The following HAT1 variants were observed in gnomAD, a reference collection of about 807,000 sequenced individuals.
The protein encoded by HAT1 is histone acetyltransferase 1.
In HAT1, 20 loss-of-function variants were observed where a neutral mutation model predicts 56.6. The observed-to-expected ratio is 0.35, with a 90% CI of 0.25 to 0.51. HAT1 has a LOEUF of 0.51. HAT1 is among the 20% of genes least tolerant of loss of function. The pLI is 0.95. For synonymous variants in HAT1, 146 were observed against 165.5 expected, an observed-to-expected ratio of 0.88 and a Z score of 0.91; for missense variants, 408 against 504.3, an observed-to-expected ratio of 0.81 and a Z score of 1.83.
intron 4 of HAT1, among the ~76,000 whole-genome samples, chr2:171,953,967 C>T (rs1687377283): frequency 6.6e-6 from 1 of 152,076 alleles, no homozygotes; most frequent in Non-Finnish European, 1.5e-5. Flanking sequence ...TGCACTGCAG[C>T]CTGGGTGACA....
At chr2:171,973,720 C>T (rs77622773) in intron 8 of HAT1, among the ~76,000 whole-genome samples, 9 of 152,128 alleles carry the variant, frequency 5.9e-5, no homozygotes, top group East Asian at 1.9e-4. Flanking sequence ...ATCTAACTAA[C>T]GCCTGATGAC....
At chr2:171,932,195 A>G (rs1686765950) in intron 2 of HAT1, among the ~76,000 whole-genome samples, 1 of 152,102 alleles carries the variant, frequency 6.6e-6, no homozygotes, top group African/African-American at 2.4e-5. Flanking sequence ...TTGACTTGGC[A>G]ATGTTTTGTT....
intron 2 of HAT1, among the ~76,000 whole-genome samples, chr2:171,929,814 C>T (rs776415147): frequency 6.6e-6 from 1 of 152,156 alleles, no homozygotes; most frequent in Non-Finnish European, 1.5e-5. Flanking sequence ...CTGTCAATAT[C>T]GTACTGTCTG....
intron 8 of HAT1, among the ~76,000 whole-genome samples, chr2:171,968,628 T>A (rs1314635744): frequency 6.6e-6 from 1 of 152,218 alleles, no homozygotes; most frequent in Non-Finnish European, 1.5e-5. Flanking sequence ...AAAGGACTTC[T>A]GAATTTGACA....
At position 171,972,253 on chromosome 2, in the gene HAT1, T is replaced by G. The variant is rs149324526; in HGVS notation, c.824-3904T>G. The stretch of plus-strand genomic sequence containing the variant: ...TTTGTTTGTTTTTGTTGTTTTTTTT[T>G]TTGTTTTTTGGTGAGGTAGGGGTAG... On this transcript the variant is annotated intron_variant, in intron 8 of 10. Transcript: ENST00000264108. Among the ~76,000 whole-genome samples the G allele has an allele frequency of 7.5e-4, 114 of 151,740 alleles. 1 individual carries two copies. In the East Asian group the frequency reaches 0.019, roughly 26 times the overall value.
chr2:171,953,034 C>A, intron 4 of HAT1, 33 bp downstream of exon 4: 1 of 1,493,676 alleles, frequency 6.7e-7, no homozygotes, highest in Non-Finnish European at 9.2e-7. Flanking sequence ...AACTGTTTTC[C>A]AATTTAATTT....
At chr2:171,934,493 T>G (rs2105307233) in intron 2 of HAT1, among the ~76,000 whole-genome samples, 1 of 152,324 alleles carries the variant, frequency 6.6e-6, no homozygotes, top group African/African-American at 2.4e-5. Context: ...GTTTCTTTTC[T>G]GAATGCTTCT....
chr2:171,953,061 T>C (rs1207443604), intron 4 of HAT1, 60 bp downstream of exon 4: 2 of 1,261,272 alleles, frequency 1.6e-6, no homozygotes, highest in Non-Finnish European at 2.2e-6. Flanking sequence ...AAATAGGTTT[T>C]AGGCCAGGTG....
intron 2 of HAT1, among the ~76,000 whole-genome samples, chr2:171,935,515 CAAA>C (rs56220004): frequency 3.6e-5 from 2 of 55,650 alleles, no homozygotes; most frequent in Non-Finnish European, 3.3e-5. Flanking sequence ...AACTCCATCT[CAAA>C]AAAAAAAAAA....
At chr2:171,953,840 C>T (rs1687374911) in intron 4 of HAT1, among the ~76,000 whole-genome samples, 2 of 151,536 alleles carry the variant, frequency 1.3e-5, no homozygotes, top group African/African-American at 4.8e-5. Flanking sequence ...ACTAAAAATA[C>T]AAAAATTAGC....
chr2:171,971,649 A>AC (rs1687818711), intron 8 of HAT1, among the ~76,000 whole-genome samples: 1 of 152,006 alleles, frequency 6.6e-6, no homozygotes, highest in African/African-American at 2.4e-5. Flanking sequence ...CTATACTTCT[A>AC]CCCTTATGCC....
At chr2:171,962,174 A>T (rs1303105042) in intron 4 of HAT1, among the ~76,000 whole-genome samples, 2 of 152,174 alleles carry the variant, frequency 1.3e-5, no homozygotes, top group South Asian at 2.1e-4. Context: ...AAATGCAAAA[A>T]TTGCTCCATA....
chr2:171,975,101 T>C (rs1687925580), intron 8 of HAT1, among the ~76,000 whole-genome samples: 1 of 149,462 alleles, frequency 6.7e-6, no homozygotes, highest in South Asian at 2.1e-4. Flanking sequence ...CTATTTTCTT[T>C]CTTTTTTTTT....
chr2:171,948,489 G>T (rs146944282), intron 3 of HAT1, among the ~76,000 whole-genome samples: 1 of 152,314 alleles, frequency 6.6e-6, no homozygotes, highest in African/African-American at 2.4e-5. Flanking sequence ...CTCCTGAAGT[G>T]CTGGGATTGC....
At chr2:171,943,410 CAAAAAAAAAA>C (rs377749207) in intron 2 of HAT1, among the ~76,000 whole-genome samples, 4 of 58,678 alleles carry the variant, frequency 6.8e-5, no homozygotes, top group Non-Finnish European at 1.1e-4. Context: ...GACTCTGTCT[CAAAAAAAAAA>C]AAAAAAAAAA....
chr2:171,981,672 G>A (rs1001438393), intron 10 of HAT1, among the ~76,000 whole-genome samples: 2 of 152,148 alleles, frequency 1.3e-5, no homozygotes, highest in Admixed American at 6.5e-5. Context: ...ACAGATGTAT[G>A]AATAGTTCCT....
intron 2 of HAT1, among the ~76,000 whole-genome samples, chr2:171,946,452 C>T (rs1687166587): frequency 6.6e-6 from 1 of 152,194 alleles, no homozygotes; most frequent in African/African-American, 2.4e-5. Context: ...GTGCCTCTGT[C>T]ATACTTAGCC....
At chr2:171,958,811 CTT>C (rs1386703511) in intron 4 of HAT1, among the ~76,000 whole-genome samples, 1 of 152,206 alleles carries the variant, frequency 6.6e-6, no homozygotes, top group Non-Finnish European at 1.5e-5. Context: ...TAACTTCTGA[CTT>C]TACCTCTTTT....
At chr2:171,941,683 G>A (rs111362476) in intron 2 of HAT1, among the ~76,000 whole-genome samples, 40 of 152,266 alleles carry the variant, frequency 2.6e-4, no homozygotes, top group Middle Eastern at 6.8e-3. Context: ...GACAGAAGGC[G>A]GCGCTCAGGC....
Sources: gnomAD v4.1 joint callset for allele counts (sites outside exome capture counted in the v4.1 genomes callset) on GRCh38, gnomAD v4.1.1 for gene constraint, MANE v1.5 for transcripts, NCBI Gene and HGNC (gene_info 2026-07-23, HGNC 2026-07-21) for gene names.